DMD: variants seen among roughly 807,000 people sequenced by gnomAD.
DMD encodes the protein mutant dystrophin.
In DMD, 63 loss-of-function variants were observed where a neutral mutation model predicts 330.1. That is an observed-to-expected ratio of 0.19 (90% CI 0.16 to 0.24). The LOEUF (loss-of-function observed/expected upper bound fraction) is 0.24. Among genes scored for constraint, DMD ranks in the 10% least tolerant of loss-of-function variants. The pLI is 1.00. For missense variants in DMD, 3,344 were observed against 2,684.1 expected (o/e 1.25, Z -5.43); for synonymous variants, 1,223 against 959.8 (o/e 1.27, Z -5.07).
At chrX:31,432,977 T>C (rs1028496922) in intron 60 of DMD, among the ~76,000 whole-genome samples, 2 of 111,837 alleles carry the variant, frequency 1.8e-5, no homozygotes, top group African/African-American at 6.5e-5. Flanking sequence ...ACACTGAGGT[T>C]TGGAGTACAG....
At chrX:32,522,068 T>A (rs1324754910) in intron 17 of DMD, among the ~76,000 whole-genome samples, 3 of 111,909 alleles carry the variant, frequency 2.7e-5, no homozygotes, top group Non-Finnish European at 5.6e-5. Flanking sequence ...ATGGGAGACA[T>A]AAATTTCTGT....
Position 33,209,691 on chromosome X carries a change from C to T in DMD, c.31+1591G>A, listed in dbSNP as rs775583286. On this transcript the variant is annotated intron_variant, in intron 1 of 78. Transcript: ENST00000357033. ...CGTTTTTTCTTACCAAACTCATTGT[C>T]ATGTTGCATAGGCATTACTTGATGA... is the stretch of plus-strand genomic sequence containing the variant. Among the ~76,000 whole-genome samples, 7 of 111,202 alleles carry T rather than the reference C, an allele frequency of 6.3e-5. No individual in the cohort carries two copies. The East Asian group carries it at 2.0e-3, about 31-fold the overall frequency.
chrX:31,921,646 A>G (rs192952102), intron 47 of DMD, among the ~76,000 whole-genome samples: 1 of 112,334 alleles, frequency 8.9e-6, no homozygotes, highest in Admixed American at 9.4e-5. Flanking sequence ...TTAATCTAAC[A>G]TTTTTTGAGC....
chrX:31,238,387 C>T (rs2047935931), intron 63 of DMD, among the ~76,000 whole-genome samples: 1 of 112,066 alleles, frequency 8.9e-6, no homozygotes, highest in Admixed American at 9.5e-5. Flanking sequence ...AAACCTAAAG[C>T]AGCCCTTTTT....
At chrX:32,421,254 C>A (rs1299809265) in intron 29 of DMD, among the ~76,000 whole-genome samples, 2 of 112,143 alleles carry the variant, frequency 1.8e-5, no homozygotes, top group Non-Finnish European at 3.8e-5. Context: ...AGGTCTAGCT[C>A]AGTCAGTATC....
At chrX:32,082,422 A>ATCTC (rs764183399) in intron 44 of DMD, among the ~76,000 whole-genome samples, 3 of 108,390 alleles carry the variant, frequency 2.8e-5, no homozygotes, top group African/African-American at 1.0e-4. Flanking sequence ...CTATCTATCT[A>ATCTC]TCTATCTATC....
intron 17 of DMD, among the ~76,000 whole-genome samples, chrX:32,524,816 C>T (rs774844280): frequency 1.2e-4 from 14 of 112,490 alleles, no homozygotes; most frequent in African/African-American, 3.9e-4. Context: ...ACATACAGTG[C>T]GTGAACTTCC....
intron 63 of DMD, among the ~76,000 whole-genome samples, chrX:31,224,822 T>C (rs1224719366): frequency 1.8e-5 from 2 of 112,145 alleles, no homozygotes; most frequent in Non-Finnish European, 1.9e-5. Context: ...AGGAACTAAC[T>C]ACTGATAATG....
intron 7 of DMD, among the ~76,000 whole-genome samples, chrX:32,720,773 TCTG>T (rs1298988943): frequency 1.8e-5 from 2 of 111,445 alleles, no homozygotes; most frequent in African/African-American, 3.3e-5. Flanking sequence ...CCCATTATTA[TCTG>T]CTTTTATATT....
intron 2 of DMD, among the ~76,000 whole-genome samples, chrX:32,956,020 G>T (rs1364558462): frequency 1.8e-5 from 2 of 111,113 alleles, no homozygotes; most frequent in African/African-American, 6.5e-5. Flanking sequence ...TTGGCTACTT[G>T]GGCTCTTTTT....
chrX:31,978,123 C>T (rs761896926), intron 44 of DMD, among the ~76,000 whole-genome samples: 14 of 111,704 alleles, frequency 1.3e-4, no homozygotes, highest in African/African-American at 3.6e-4. Context: ...TAGGCTACCA[C>T]GTAGCATTTC....
chrX:32,008,876 G>T (rs143821107), intron 44 of DMD, among the ~76,000 whole-genome samples: 2,770 of 110,933 alleles, frequency 0.025, 35 homozygotes, highest in Middle Eastern at 0.047. Context: ...TCCTAAGTAG[G>T]TATAAGAGGG....
intron 2 of DMD, among the ~76,000 whole-genome samples, chrX:32,984,005 T>TA (rs2092779509): frequency 8.9e-6 from 1 of 111,919 alleles, no homozygotes; most frequent in South Asian, 3.7e-4. Context: ...CTTTTCTGTT[T>TA]AAAGCTATGT....
chrX:31,208,859 A>C (rs183994071), intron 65 of DMD, among the ~76,000 whole-genome samples: 1 of 111,203 alleles, frequency 9.0e-6, no homozygotes, highest in East Asian at 2.8e-4. Flanking sequence ...AAGAAAAAAA[A>C]AAATCAGAAC....
chrX:32,993,333 G>T (rs1445097578), intron 2 of DMD, among the ~76,000 whole-genome samples: 1 of 111,784 alleles, frequency 8.9e-6, no homozygotes, highest in Non-Finnish European at 1.9e-5. Flanking sequence ...GGCTGGTGCG[G>T]TCGCTCATGC....
chrX:33,219,101 T>A (rs1276908562), intron 1 of DMD, among the ~76,000 whole-genome samples: 2 of 111,685 alleles, frequency 1.8e-5, no homozygotes, highest in Non-Finnish European at 3.8e-5. Context: ...GTGACTACTA[T>A]CTTTTTGCAT....
intron 51 of DMD, among the ~76,000 whole-genome samples, chrX:31,769,674 C>A (rs2090219796): frequency 8.9e-6 from 1 of 112,094 alleles, no homozygotes; most frequent in Admixed American, 9.5e-5. Context: ...CATTCAAAGC[C>A]ATCCTGGGAC....
intron 76 of DMD, among the ~76,000 whole-genome samples, chrX:31,146,036 C>T (rs770319138): frequency 2.7e-5 from 3 of 112,651 alleles, no homozygotes; most frequent in Non-Finnish European, 5.6e-5. Context: ...GCCCTCAGAA[C>T]TCACCAATCT....
intron 44 of DMD, among the ~76,000 whole-genome samples, chrX:32,044,453 G>T (rs962257021): frequency 1.9e-5 from 2 of 107,354 alleles, no homozygotes; most frequent in Admixed American, 1.0e-4. Flanking sequence ...ATGAAGTCTC[G>T]CTCTGTCGCC....
Sources: gnomAD v4.1 joint callset for allele counts (sites outside exome capture counted in the v4.1 genomes callset) on GRCh38, gnomAD v4.1.1 for gene constraint, MANE v1.5 for transcripts, NCBI Gene and HGNC (gene_info 2026-07-23, HGNC 2026-07-21) for gene names.